SORCS1: variants seen among roughly 807,000 people sequenced by gnomAD.
SORCS1 encodes the protein VPS10 domain-containing receptor SorCS1.
SORCS1 carries 60 observed loss-of-function variants against 146.1 expected under a neutral mutation model. The ratio of observed to expected loss-of-function variants is 0.41; its 90% CI spans 0.33 to 0.51. The LOEUF is 0.51. SORCS1 is among the 20% of genes least tolerant of loss of function. SORCS1 has a pLI of 0.21. For missense variants in SORCS1, 1,352 were observed against 1,487.6 expected, an observed-to-expected ratio of 0.91 and a Z score of 1.50; for synonymous variants, 637 against 584.0, an observed-to-expected ratio of 1.09 and a Z score of -1.31.
In SORCS1 at chr10:107,164,035, CGTG is replaced by C; in HGVS notation, c.489_491del (p.Thr164del). The C allele has an allele frequency of 6.2e-7, 1 of 1,614,098 alleles. No individual in the cohort carries two copies. Among genetic ancestry groups the C allele is most frequent in the Non-Finnish European group, 8.5e-7 (1 of 1,180,024 alleles). Reference sequence around the variant, plus strand: ...GTGCTGAGTCTCCCGTCAGCGCAAACGTGGTGCTGGTCAGTCTCAGCTCCTCCA... The same window carrying C: ...GTGCTGAGTCTCCCGTCAGCGCAAACGTGCTGGTCAGTCTCAGCTCCTCCA... On this transcript the variant is annotated inframe_deletion, in exon 1 of 26. Transcript: ENST00000263054. This position sits in a 1 kb window ranked among gnomAD's most constrained non-coding sequence, Gnocchi z 6.8.
rs112141648 is a variant in SORCS1, at chr10:106,604,830, T to C, written c.3165+2336A>G. ...CTTCTTACCATATAATGAACATGAA[T>C]GTAACCATTATCTCTATATCTCCAG... On this transcript the variant is annotated intron_variant, in intron 23 of 25. Coordinates refer to ENST00000263054, the MANE Select transcript of SORCS1 (RefSeq NM_052918.5). Among the ~76,000 whole-genome samples the C allele has an allele frequency of 2.5e-3, 388 of 152,318 alleles. 2 individuals carry two copies. The highest frequency in any genetic ancestry group is 8.9e-3 in the African/African-American group (369 of 41,574).
intron 2 of SORCS1, among the ~76,000 whole-genome samples, chr10:106,868,147 C>G (rs1950285864): frequency 6.6e-6 from 1 of 152,110 alleles, no homozygotes; most frequent in Non-Finnish European, 1.5e-5. Flanking sequence ...ACAAGAAGAC[C>G]TAACTATCCC....
At chr10:106,766,355 C>A (rs1261260769) in intron 4 of SORCS1, among the ~76,000 whole-genome samples, 4 of 152,210 alleles carry the variant, frequency 2.6e-5, no homozygotes, top group Non-Finnish European at 4.4e-5. Flanking sequence ...CTTCTCACTG[C>A]TGTTCCTCCA....
At chr10:106,991,320 T>C (rs1956763247) in intron 1 of SORCS1, among the ~76,000 whole-genome samples, 1 of 152,232 alleles carries the variant, frequency 6.6e-6, no homozygotes, top group African/African-American at 2.4e-5. Flanking sequence ...AGTGACATGT[T>C]TGACAAGCTG....
chr10:107,011,595 G>A (rs541281967), intron 1 of SORCS1, among the ~76,000 whole-genome samples: 1 of 152,196 alleles, frequency 6.6e-6, no homozygotes, highest in Non-Finnish European at 1.5e-5. Flanking sequence ...ACTCCTTGCA[G>A]AATTCCAATG....
chr10:106,580,061 G>A (rs745806048), intron 24 of SORCS1, among the ~76,000 whole-genome samples: 14 of 151,898 alleles, frequency 9.2e-5, no homozygotes, highest in Non-Finnish European at 1.3e-4. Context: ...CAACCACCCC[G>A]TCACCCCTAC....
At chr10:107,154,765 T>C (rs911731285) in intron 1 of SORCS1, among the ~76,000 whole-genome samples, 5 of 152,214 alleles carry the variant, frequency 3.3e-5, no homozygotes, top group Admixed American at 1.3e-4. Context: ...TTAATATCAA[T>C]GAAACTGTAA....
At chr10:106,818,128 T>C (rs956360920) in intron 3 of SORCS1, among the ~76,000 whole-genome samples, 3 of 152,216 alleles carry the variant, frequency 2.0e-5, no homozygotes, top group Non-Finnish European at 4.4e-5. Flanking sequence ...ACATGTCAAT[T>C]AATCTCTTCT....
At chr10:106,877,700 C>G (rs144867805) in intron 2 of SORCS1, among the ~76,000 whole-genome samples, 4 of 152,206 alleles carry the variant, frequency 2.6e-5, no homozygotes, top group African/African-American at 7.2e-5. Context: ...TCCAGTCCCT[C>G]GGGGAAGCCA....
intron 1 of SORCS1, among the ~76,000 whole-genome samples, chr10:107,070,341 A>C (rs1273127147): frequency 6.6e-6 from 1 of 152,124 alleles, no homozygotes; most frequent in Middle Eastern, 3.2e-3. Context: ...TTATTGGATC[A>C]CATGTTAACT....
intron 2 of SORCS1, among the ~76,000 whole-genome samples, chr10:106,844,162 C>T (rs1949200243): frequency 6.6e-6 from 1 of 152,198 alleles, no homozygotes; most frequent in African/African-American, 2.4e-5. Context: ...TTTTCATATA[C>T]TATTGGCTTT....
chr10:106,758,980 C>G (rs1411538284), intron 5 of SORCS1, among the ~76,000 whole-genome samples: 1 of 152,206 alleles, frequency 6.6e-6, no homozygotes, highest in Non-Finnish European at 1.5e-5. Flanking sequence ...CCTGTGTTAT[C>G]TCTGAGCCAG....
intron 1 of SORCS1, among the ~76,000 whole-genome samples, chr10:107,095,108 G>A (rs1964457716): frequency 1.3e-5 from 2 of 152,276 alleles, no homozygotes; most frequent in African/African-American, 4.8e-5. Flanking sequence ...AAGAGGTGAA[G>A]TGACTGTGGA....
At chr10:106,814,906 C>A (rs1355224074) in intron 3 of SORCS1, among the ~76,000 whole-genome samples, 1 of 92,438 alleles carries the variant, frequency 1.1e-5, no homozygotes, top group Non-Finnish European at 2.1e-5. Flanking sequence ...CAGAGCGAGA[C>A]TCCATCTCAA....
At chr10:106,598,051 A>G (rs899220739) in intron 23 of SORCS1, among the ~76,000 whole-genome samples, 1 of 152,074 alleles carries the variant, frequency 6.6e-6, no homozygotes, top group Non-Finnish European at 1.5e-5. Flanking sequence ...ATTCTGGACT[A>G]TGAAATATTT....
chr10:106,775,754 C>G (rs1554840011), intron 4 of SORCS1, among the ~76,000 whole-genome samples: 2 of 152,206 alleles, frequency 1.3e-5, no homozygotes, highest in Non-Finnish European at 2.9e-5. Context: ...GCCAGAGTCT[C>G]TCTCACATTT....
At chr10:106,860,972 T>G (rs1341700644) in intron 2 of SORCS1, among the ~76,000 whole-genome samples, 1 of 152,210 alleles carries the variant, frequency 6.6e-6, no homozygotes, top group Non-Finnish European at 1.5e-5. Context: ...ATGGCATACA[T>G]ACACACGTCC....
intron 23 of SORCS1, among the ~76,000 whole-genome samples, chr10:106,600,037 G>A (rs964004992): frequency 6.6e-6 from 1 of 152,014 alleles, no homozygotes; most frequent in East Asian, 1.9e-4. Flanking sequence ...TGATCCACCC[G>A]CCTCAGCCTC....
At chr10:106,823,236 A>G (rs1030079373) in intron 3 of SORCS1, among the ~76,000 whole-genome samples, 1 of 152,162 alleles carries the variant, frequency 6.6e-6, no homozygotes, top group South Asian at 2.1e-4. Flanking sequence ...TTGATGTATT[A>G]TACAATACGC....
Sources: allele counts gnomAD v4.1 joint callset (sites outside exome capture counted in the v4.1 genomes callset), GRCh38; gene constraint gnomAD v4.1.1; non-coding constraint Gnocchi (gnomAD v3.1); transcripts MANE v1.5; gene names NCBI Gene and HGNC (gene_info 2026-07-23, HGNC 2026-07-21).